The following NT5DC1 variants were observed in gnomAD, a reference collection of about 807,000 sequenced individuals.
NT5DC1 encodes 5'-nucleotidase domain-containing protein 1.
Under a neutral mutation model 59.4 loss-of-function variants are expected in NT5DC1, and 42 were observed. The ratio of observed to expected loss-of-function variants is 0.71; its 90% CI spans 0.55 to 0.92. The LOEUF is 0.92. NT5DC1 is among the 40% of genes least tolerant of loss of function. The probability of loss-of-function intolerance (pLI) is 0.00; values close to 1 mark genes in which losing one functional copy is unlikely to be tolerated. For synonymous variants in NT5DC1, 172 were observed against 188.1 expected (o/e 0.91, Z 0.70); for missense variants, 501 against 537.1 (o/e 0.93, Z 0.66).
At chr6:116,134,925 T>G (rs531432715) in intron 6 of NT5DC1, among the ~76,000 whole-genome samples, 16 of 152,288 alleles carry the variant, frequency 1.1e-4, no homozygotes, top group Admixed American at 3.3e-4. Context: ...GCCCAGAATC[T>G]TGGGAGTTTA....
At chr6:116,214,291 T>C (rs1225990511) in intron 6 of NT5DC1, among the ~76,000 whole-genome samples, 1 of 152,248 alleles carries the variant, frequency 6.6e-6, no homozygotes, top group East Asian at 1.9e-4. Flanking sequence ...TTCTCATATA[T>C]ATCCTTCTTA....
At chr6:116,234,994 A>G (rs532875062) in intron 8 of NT5DC1, among the ~76,000 whole-genome samples, 2 of 148,798 alleles carry the variant, frequency 1.3e-5, no homozygotes, top group South Asian at 2.1e-4. Context: ...AGGGGAGGTA[A>G]TGTTTGTATA....
Position 116,101,896 on chromosome 6 carries a change from C to T in NT5DC1, c.93+873C>T, listed in dbSNP as rs149614459. On this transcript the variant is annotated intron_variant, in intron 1 of 11. Coordinates refer to ENST00000319550, the MANE Select transcript of NT5DC1 (RefSeq NM_152729.3). ...CTGGTTATGAGTACAGTGGTGAAAG[C>T]GAGGACTCCTCAGCCAGACTGCCTA... Among the ~76,000 whole-genome samples, 160 of 152,298 alleles carry T rather than the reference C, an allele frequency of 1.1e-3. 1 individual carries two copies. The highest frequency in any genetic ancestry group is 9.6e-4 in the Non-Finnish European group (65 of 68,026).
intron 6 of NT5DC1, among the ~76,000 whole-genome samples, chr6:116,141,596 A>C (rs992158815): frequency 6.6e-6 from 1 of 152,044 alleles, no homozygotes; most frequent in Non-Finnish European, 1.5e-5. Context: ...CCTTTTTCTA[A>C]TGGAATTAGT....
rs765628474 is a variant in NT5DC1, at chr6:116,121,344, G to A, written c.529+3399G>A. The A allele has an allele frequency of 7.7e-5, 125 of 1,613,772 alleles. 2 individuals carry two copies. Among genetic ancestry groups the A allele is most frequent in the Non-Finnish European group, 9.9e-5 (117 of 1,179,944 alleles). On this transcript the variant is annotated intron_variant, in intron 6 of 11. Transcript: ENST00000319550. ...GGCTTTCCAATGCCTTCTGGCCCTC[G>A]TTCCCCAGGAGGGCCTTGGGGACCT...
At chr6:116,215,804 T>A (rs1411052563) in intron 6 of NT5DC1, among the ~76,000 whole-genome samples, 2 of 152,116 alleles carry the variant, frequency 1.3e-5, no homozygotes, top group African/African-American at 4.8e-5. Flanking sequence ...GGTAAACTAT[T>A]ACAATACATA....
intron 11 of NT5DC1, among the ~76,000 whole-genome samples, chr6:116,242,662 T>C (rs1204824): frequency 0.75 from 114,587 of 152,114 alleles, 44,690 homozygotes; most frequent in East Asian, 1. Flanking sequence ...CAGGTCAGAA[T>C]TTAATCTTTC....
chr6:116,120,932 C>T lies in NT5DC1; in HGVS notation c.529+2987C>T, dbSNP rs775057016. 2 of 1,613,848 alleles carry T rather than the reference C, an allele frequency of 1.2e-6. No individual in the cohort carries two copies. Among genetic ancestry groups the T allele is most frequent in the African/African-American group, 1.3e-5 (1 of 74,888 alleles). On this transcript the variant is annotated intron_variant, in intron 6 of 11. Transcript: ENST00000319550. ...TGGGTTACCCTTAGGACCATCGAGA[C>T]CTGGTTTTCCTGGGTACCCTGGTTT...
At chr6:116,167,502 G>A (rs138244533) in intron 6 of NT5DC1, among the ~76,000 whole-genome samples, 45 of 152,154 alleles carry the variant, frequency 3.0e-4, no homozygotes, top group African/African-American at 8.7e-4. Flanking sequence ...GTGAGCCACC[G>A]TGCCCAGCCC....
chr6:116,157,067 G>T (rs2114415220), intron 6 of NT5DC1, among the ~76,000 whole-genome samples: 1 of 152,258 alleles, frequency 6.6e-6, no homozygotes, highest in Non-Finnish European at 1.5e-5. Context: ...AATAGACATG[G>T]AGGGGAGGAG....
Position 116,108,405 on chromosome 6 carries a change from T to A in NT5DC1, c.227T>A (p.Leu76His). Residue 76 changes from leucine (L) to histidine (H), a missense_variant, in exon 3 of 12, where the codon CTT (leucine) becomes CAT (histidine). Transcript: ENST00000319550. ...LALDLEDGNF[L>H]KLANNGTVLR... ...TTGGATCTAGAAGATGGGAACTTCC[T>A]TAAACTTGCAAATAATGGCACTGTT... 1 of 1,609,912 alleles carries A rather than the reference T, an allele frequency of 6.2e-7. No homozygotes were observed. Among genetic ancestry groups the A allele is most frequent in the South Asian group, 1.1e-5 (1 of 90,976 alleles).
At chr6:116,241,944 CAAAAA>C (rs1173659223) in intron 11 of NT5DC1, among the ~76,000 whole-genome samples, 17 of 34,416 alleles carry the variant, frequency 4.9e-4, no homozygotes, top group African/African-American at 2.3e-3. Flanking sequence ...AAAAACAAAA[CAAAAA>C]AAAAAAAAAA....
At chr6:116,222,287 A>C (rs1781822966) in intron 7 of NT5DC1, among the ~76,000 whole-genome samples, 1 of 152,172 alleles carries the variant, frequency 6.6e-6, no homozygotes, top group African/African-American at 2.4e-5. Context: ...TAAAATGAAC[A>C]ATCTGGATTT....
At chr6:116,121,555 C>A (rs765917029) in intron 6 of NT5DC1, 1 of 1,614,122 alleles carries the variant, frequency 6.2e-7, no homozygotes, top group South Asian at 1.1e-5. Context: ...TTTCCCCTTT[C>A]TGTCCATTCA....
At chr6:116,209,674 T>C (rs923503826) in intron 6 of NT5DC1, among the ~76,000 whole-genome samples, 6 of 151,824 alleles carry the variant, frequency 4.0e-5, no homozygotes, top group African/African-American at 1.2e-4. Context: ...TATGCCTTAA[T>C]TTTAGACGTT....
chr6:116,148,384 A>G lies in NT5DC1; in HGVS notation c.529+30439A>G, dbSNP rs555156006. On this transcript the variant is annotated intron_variant, in intron 6 of 11. Transcript: ENST00000319550. ...GTAGCATTTGTTTTCATTGCAATTT[A>G]CCATACATGCCATCCAAAGATTGTC... Among the ~76,000 whole-genome samples the G allele has an allele frequency of 4.6e-5, 7 of 152,322 alleles. No homozygotes were observed. In the East Asian group the frequency reaches 1.2e-3, roughly 25 times the overall value.
rs181162166 is a variant in NT5DC1 at position 116,137,855 on chromosome 6, A to G, written c.529+19910A>G. On this transcript the variant is annotated intron_variant, in intron 6 of 11. Transcript: ENST00000319550. Reference sequence around the variant, plus strand: ...CCAGCATTTTGGGAGGCCGAGGCAGACGAATCACAAGGTCAAGAGTTCGAG... The same window carrying G: ...CCAGCATTTTGGGAGGCCGAGGCAGGCGAATCACAAGGTCAAGAGTTCGAG... Among the ~76,000 whole-genome samples, 394 of 152,242 alleles carry G rather than the reference A, an allele frequency of 2.6e-3. 10 individuals are homozygous for G. In the South Asian group the frequency reaches 0.043, roughly 17 times the overall value.
At chr6:116,118,858 C>G (rs1779022532) in intron 6 of NT5DC1, 1 of 152,166 alleles carries the variant, frequency 6.6e-6, no homozygotes. Context: ...GTGGTTGGGT[C>G]TGTGGGAATA....
chr6:116,185,926 C>A (rs1394632423), intron 6 of NT5DC1, among the ~76,000 whole-genome samples: 2 of 151,844 alleles, frequency 1.3e-5, no homozygotes, highest in Admixed American at 1.3e-4. Context: ...TTCCTGAAAA[C>A]CTTGGATTTT....
Sources: gnomAD v4.1 joint callset for allele counts (sites outside exome capture counted in the v4.1 genomes callset) on GRCh38, gnomAD v4.1.1 for gene constraint, MANE v1.5 for transcripts, NCBI Gene and HGNC (gene_info 2026-07-23, HGNC 2026-07-21) for gene names.